KCNQ1OT1: variants seen among roughly 807,000 people sequenced by gnomAD.
KCNQ1OT1 encodes the protein KCNQ1 opposite strand/antisense transcript 1.
chr11:2,675,644 GCT>G lies in KCNQ1OT1; in HGVS notation n.24349_24350del, dbSNP rs1475814141. The G allele has an allele frequency of 2.0e-4, 78 of 398,610 alleles. No homozygotes were observed. The East Asian group carries it at 2.7e-3, about 14-fold the overall frequency. The allele number at this position is 398,610 out of a possible 1,614,324, so 24.7% of individuals were successfully genotyped here. ...GCACCCCTTATTAGAGGGTGGTTGG[GCT>G]CTCTAGGAGCCCGCCCAGGGCCTGC... is the stretch of plus-strand genomic sequence containing the variant. On this transcript the variant is annotated non_coding_transcript_exon_variant, in exon 1 of 1. Coordinates refer to ENST00000597346, the Ensembl canonical transcript of KCNQ1OT1.
rs1849591436 is a variant in KCNQ1OT1 at position 2,642,231 on chromosome 11, TA to T, written n.57763del. Reference sequence around the variant, plus strand: ...GGTAGTATGGTCATTTTAATTTTGTTAATTCTCCCAATCCATGAGAATGGGA... The same window carrying T: ...GGTAGTATGGTCATTTTAATTTTGTTATTCTCCCAATCCATGAGAATGGGA... On this transcript the variant is annotated non_coding_transcript_exon_variant, in exon 1 of 1. Coordinates refer to ENST00000597346, the Ensembl canonical transcript of KCNQ1OT1. This position sits in a 1 kb window ranked among gnomAD's most constrained non-coding sequence, Gnocchi z 4.3. 1 of 398,334 alleles carries T rather than the reference TA, an allele frequency of 2.5e-6. No individual in the cohort carries two copies. Among genetic ancestry groups the T allele is most frequent in the African/African-American group, 2.1e-5 (1 of 48,628 alleles). 24.7% of individuals were successfully genotyped at this position (398,334 alleles called of 1,614,324 possible). A position where few individuals can be genotyped will look rare whatever the true frequency, so the allele number is the denominator to read the frequency against.
Position 2,687,076 on chromosome 11 carries a change from G to A in KCNQ1OT1, n.12919C>T. On this transcript the variant is annotated non_coding_transcript_exon_variant, in exon 1 of 1. Coordinates refer to ENST00000597346, the Ensembl canonical transcript of KCNQ1OT1. This position sits in a 1 kb window ranked among gnomAD's most constrained non-coding sequence, Gnocchi z 5.0. ...GACAAGGACCCACAAAGTGATGCAA[G>A]ATATCCTGAGTTGGGTGTGACAAGT... is the stretch of plus-strand genomic sequence containing the variant. The A allele has an allele frequency of 2.5e-6, 1 of 398,646 alleles. No homozygotes were observed. The highest frequency in any genetic ancestry group is 4.4e-6 in the Non-Finnish European group (1 of 226,078). 24.7% of individuals were successfully genotyped at this position (398,646 alleles called of 1,614,324 possible). A position where few individuals can be genotyped will look rare whatever the true frequency, so the allele number is the denominator to read the frequency against.
chr11:2,620,221 T>TTTA lies in KCNQ1OT1; in HGVS notation n.79771_79773dup, dbSNP rs1554898347. ...CATGTATATATATATATTTTTTTTT[T>TTTA]TTATTTTTTTTTTAGACGGAGTTTC... is the stretch of plus-strand genomic sequence containing the variant. On this transcript the variant is annotated non_coding_transcript_exon_variant, in exon 1 of 1. Coordinates refer to ENST00000597346, the Ensembl canonical transcript of KCNQ1OT1. The surrounding 1 kb of genome is among the most constrained non-coding windows in gnomAD (Gnocchi z 4.5). 7 of 280,072 alleles carry TTTA rather than the reference T, an allele frequency of 2.5e-5. No homozygotes were observed. Among genetic ancestry groups the TTTA allele is most frequent in the African/African-American group, 2.3e-5 (1 of 44,410 alleles). The allele number at this position is 280,072 out of a possible 1,614,324, so 17.3% of individuals were successfully genotyped here.
chr11:2,669,709 C>A lies in KCNQ1OT1; in HGVS notation n.30286G>T, dbSNP rs867493320. The A allele has an allele frequency of 5.0e-6, 2 of 398,666 alleles. No homozygotes were observed. Among genetic ancestry groups the A allele is most frequent in the South Asian group, 2.5e-4 (2 of 7,862 alleles). 24.7% of individuals were successfully genotyped at this position (398,666 alleles called of 1,614,324 possible). ...GGAGATGGTGTTAGGCATCCAGCCACATACCTGACTCGGGGAAATGCCTGA... is the reference window on the plus strand; with the variant it reads ...GGAGATGGTGTTAGGCATCCAGCCAAATACCTGACTCGGGGAAATGCCTGA... On this transcript the variant is annotated non_coding_transcript_exon_variant, in exon 1 of 1. Coordinates refer to ENST00000597346, the Ensembl canonical transcript of KCNQ1OT1. This position sits in a 1 kb window ranked among gnomAD's most constrained non-coding sequence, Gnocchi z 5.6.
chr11:2,618,438 A>G lies in KCNQ1OT1; in HGVS notation n.81557T>C, dbSNP rs547111834. 7.5e-4 allele frequency: 299 copies of G among 398,562 alleles called. No individual in the cohort carries two copies. The highest frequency in any genetic ancestry group is 5.6e-3 in the African/African-American group (274 of 48,754). 24.7% of individuals were successfully genotyped at this position (398,562 alleles called of 1,614,324 possible). A position where few individuals can be genotyped will look rare whatever the true frequency, so the allele number is the denominator to read the frequency against. ...GACAAGCCACAGAACTGGGTTTCCT[A>G]ACGTCATTTATGAGAGAGACTATCT... On this transcript the variant is annotated non_coding_transcript_exon_variant, in exon 1 of 1. Coordinates refer to ENST00000597346, the Ensembl canonical transcript of KCNQ1OT1.
Position 2,678,895 on chromosome 11 carries a change from A to T in KCNQ1OT1, n.21100T>A, listed in dbSNP as rs1366766240. ...CAGCTGGACCCAAGGACCATTTCGT[A>T]TACATGTATGATCATACTTTCAGGG... On this transcript the variant is annotated non_coding_transcript_exon_variant, in exon 1 of 1. Coordinates refer to ENST00000597346, the Ensembl canonical transcript of KCNQ1OT1. The surrounding 1 kb of genome is among the most constrained non-coding windows in gnomAD (Gnocchi z 4.9). The T allele has an allele frequency of 2.5e-6, 1 of 398,516 alleles. No homozygotes were observed. The highest frequency in any genetic ancestry group is 1.3e-4 in the South Asian group (1 of 7,864). The allele number at this position is 398,516 out of a possible 1,614,324, so 24.7% of individuals were successfully genotyped here.
chr11:2,695,669 GA>G lies in KCNQ1OT1; in HGVS notation n.4325del. 1 of 398,606 alleles carries G rather than the reference GA, an allele frequency of 2.5e-6. No individual in the cohort carries two copies. 24.7% of individuals were successfully genotyped at this position (398,606 alleles called of 1,614,324 possible). A position where few individuals can be genotyped will look rare whatever the true frequency, so the allele number is the denominator to read the frequency against. ...GGTATAAAATATTTTATTTGAGGAA[GA>G]AGTGTTGGCCAGCTCTTCAGAACGT... On this transcript the variant is annotated non_coding_transcript_exon_variant, in exon 1 of 1. Transcript: ENST00000597346. The surrounding 1 kb of genome is among the most constrained non-coding windows in gnomAD (Gnocchi z 5.2).
exon 1 of KCNQ1OT1, chr11:2,688,409 G>T (rs1590033521): frequency 2.5e-6 from 1 of 398,772 alleles, no homozygotes; most frequent in African/African-American, 2.1e-5. Flanking sequence ...CTGATCCTCT[G>T]TGTAGGCACT....
Position 2,630,863 on chromosome 11 carries a change from G to T in KCNQ1OT1, n.69132C>A, listed in dbSNP as rs142657564. 1.3e-4 allele frequency: 51 copies of T among 398,474 alleles called. No homozygotes were observed. The highest frequency in any genetic ancestry group is 8.6e-4 in the African/African-American group (42 of 48,756). 24.7% of individuals were successfully genotyped at this position (398,474 alleles called of 1,614,324 possible). A position where few individuals can be genotyped will look rare whatever the true frequency, so the allele number is the denominator to read the frequency against. Reference sequence around the variant, plus strand: ...AGCTTTGCTGTGTAAAGTATTCTTAGATGGCAGTTTTTTATCTTTCAGAAC... The same window carrying T: ...AGCTTTGCTGTGTAAAGTATTCTTATATGGCAGTTTTTTATCTTTCAGAAC... On this transcript the variant is annotated non_coding_transcript_exon_variant, in exon 1 of 1. Coordinates refer to ENST00000597346, the Ensembl canonical transcript of KCNQ1OT1.
rs1437487122 is a variant in KCNQ1OT1, at chr11:2,642,998, T to G, written n.56997A>C. 1 of 397,890 alleles carries G rather than the reference T, an allele frequency of 2.5e-6. No individual in the cohort carries two copies. The highest frequency in any genetic ancestry group is 4.4e-5 in the Admixed American group (1 of 22,704). 24.6% of individuals were successfully genotyped at this position (397,890 alleles called of 1,614,324 possible). On this transcript the variant is annotated non_coding_transcript_exon_variant, in exon 1 of 1. Transcript: ENST00000597346. This position sits in a 1 kb window ranked among gnomAD's most constrained non-coding sequence, Gnocchi z 4.3. ...CTCCTCTTATTTATTTATAGTTTTA[T>G]GCTATTGTGGTCTGAGAAGATATGT...
chr11:2,689,678 G>C lies in KCNQ1OT1; in HGVS notation n.10317C>G, dbSNP rs541914340. On this transcript the variant is annotated non_coding_transcript_exon_variant, in exon 1 of 1. Transcript: ENST00000597346. ...AGCCTCCTGAGAGGGCCAGGGCAGA[G>C]TGAGTAGCTGCAGGGGCAGCTGTCC... The C allele has an allele frequency of 1.5e-5, 6 of 398,652 alleles. No individual in the cohort carries two copies. In the East Asian group the frequency reaches 2.1e-4, roughly 14 times the overall value. 24.7% of individuals were successfully genotyped at this position (398,652 alleles called of 1,614,324 possible).
exon 1 of KCNQ1OT1, chr11:2,625,980 A>C (rs1849255371): frequency 2.5e-6 from 1 of 398,428 alleles, no homozygotes; most frequent in South Asian, 1.3e-4. Flanking sequence ...TTTTTCTCCC[A>C]TTCTGTAGGT....
chr11:2,622,878 C>T, exon 1 of KCNQ1OT1: 1 of 398,634 alleles, frequency 2.5e-6, no homozygotes, highest in Non-Finnish European at 4.4e-6. Context: ...TCTGCATTTA[C>T]ACATTATTAT....
exon 1 of KCNQ1OT1, chr11:2,650,880 A>T (rs1321648986): frequency 5.0e-6 from 2 of 398,470 alleles, no homozygotes; most frequent in Non-Finnish European, 8.8e-6. Context: ...GTCAGAGGGG[A>T]TGAGGAGCAG....
Position 2,663,998 on chromosome 11 carries a change from G to C in KCNQ1OT1, n.35997C>G. ...TCCCCAAGCTCTCTGCCCACTTTGG[G>C]TCTGGCACATTACCATTCTGCAAGA... On this transcript the variant is annotated non_coding_transcript_exon_variant, in exon 1 of 1. Coordinates refer to ENST00000597346, the Ensembl canonical transcript of KCNQ1OT1. The surrounding 1 kb of genome is among the most constrained non-coding windows in gnomAD (Gnocchi z 5.2). The C allele has an allele frequency of 2.5e-6, 1 of 398,726 alleles. No homozygotes were observed. The highest frequency in any genetic ancestry group is 3.6e-5 in the East Asian group (1 of 28,078). 24.7% of individuals were successfully genotyped at this position (398,726 alleles called of 1,614,324 possible). A position where few individuals can be genotyped will look rare whatever the true frequency, so the allele number is the denominator to read the frequency against.
At chr11:2,693,408 T>C (rs1219447412) in exon 1 of KCNQ1OT1, 2 of 398,566 alleles carry the variant, frequency 5.0e-6, no homozygotes, top group Non-Finnish European at 8.8e-6. Context: ...GGGCCTAAGC[T>C]GGGAATAAGC....
exon 1 of KCNQ1OT1, chr11:2,609,810 C>A: frequency 2.5e-6 from 1 of 398,156 alleles, no homozygotes; most frequent in South Asian, 1.3e-4. Context: ...AATTTAAAAT[C>A]TCCTTTGACT....
At chr11:2,686,808 C>T (rs979791645) in exon 1 of KCNQ1OT1, 1 of 398,702 alleles carries the variant, frequency 2.5e-6, no homozygotes, top group Non-Finnish European at 4.4e-6. Context: ...CCCTGCTCAC[C>T]CCTAAAGAGC....
exon 1 of KCNQ1OT1, chr11:2,686,345 G>A: frequency 2.5e-6 from 1 of 398,744 alleles, no homozygotes; most frequent in Non-Finnish European, 4.4e-6. Flanking sequence ...CCAAGCTGGG[G>A]GAGGAGTATG....
Sources: allele counts gnomAD v4.1 joint callset, GRCh38; gene constraint gnomAD v4.1.1; non-coding constraint Gnocchi (gnomAD v3.1); transcripts MANE v1.5; gene names NCBI Gene and HGNC (gene_info 2026-07-23, HGNC 2026-07-21).